ENOX2: variants seen among roughly 807,000 people sequenced by gnomAD.
ENOX2 encodes APK1 antigen.
Under a neutral mutation model 45.0 loss-of-function variants are expected in ENOX2, and 36 were observed. The observed-to-expected ratio is 0.80, with a 90% CI of 0.61 to 1.06. The LOEUF is 1.06. Ranked by LOEUF, ENOX2 falls within the 50% of genes least tolerant of loss-of-function variation. The pLI, the probability that ENOX2 is intolerant of heterozygous loss-of-function variation, is 0.00. For missense variants in ENOX2, 423 were observed against 462.5 expected (o/e 0.91, Z 0.78); for synonymous variants, 174 against 152.3 (o/e 1.14, Z -1.05).
rs1319452400 is a variant in ENOX2 at position 130,667,736 on chromosome X, G to A, written c.701C>T (p.Ser234Phe). Residue 234 changes from serine (S) to phenylalanine (F), a missense_variant, in exon 8 of 15, where the codon TCC (serine) becomes TTC (phenylalanine). Physicochemically the swap from Ser to Phe is radical, Grantham distance 155. Around this residue, in one of 5 missense-constraint regions of ENOX2, gnomAD observed 261 missense variants for 306.8 expected, o/e 0.85. Coordinates refer to ENST00000394363, the MANE Select transcript of ENOX2 (RefSeq NM_006375.4). ...SIVAEKLKDD[S>F]KFSEAVQTLL... Reference sequence around the variant, plus strand: ...GGTCTGTACAGCTTCTGAGAATTTGGAATCATCTGAAAAAAATATATTTTT... The same window carrying A: ...GGTCTGTACAGCTTCTGAGAATTTGAAATCATCTGAAAAAAATATATTTTT... 1 of 1,182,641 alleles carries A rather than the reference G, an allele frequency of 8.5e-7. No homozygotes were observed. The highest frequency in any genetic ancestry group is 2.3e-5 in the Admixed American group (1 of 44,277).
chrX:130,767,623 T>C (rs2039647564), intron 3 of ENOX2, among the ~76,000 whole-genome samples: 1 of 111,905 alleles, frequency 8.9e-6, no homozygotes, highest in Non-Finnish European at 1.9e-5. Context: ...CGTGTGCATA[T>C]AAATTCCTAT....
chrX:130,636,540 A>G (rs932573939), intron 11 of ENOX2, among the ~76,000 whole-genome samples: 1 of 112,551 alleles, frequency 8.9e-6, no homozygotes, highest in African/African-American at 3.2e-5. Context: ...AGCTGTTGAT[A>G]TCTTTTAAAC....
chrX:130,751,713 G>A (rs745383716), intron 3 of ENOX2, among the ~76,000 whole-genome samples: 4 of 112,090 alleles, frequency 3.6e-5, no homozygotes, highest in Non-Finnish European at 3.8e-5. Flanking sequence ...CCACATTCTT[G>A]AAAACAGTTG....
intron 2 of ENOX2, among the ~76,000 whole-genome samples, chrX:130,843,214 G>A (rs1160248605): frequency 9.0e-6 from 1 of 111,288 alleles, no homozygotes; most frequent in Admixed American, 9.5e-5. Context: ...CCACCTAGCT[G>A]CCCAAGCCAG....
chrX:130,854,529 CCT>C (rs2078272564), intron 2 of ENOX2, among the ~76,000 whole-genome samples: 1 of 111,308 alleles, frequency 9.0e-6, no homozygotes, highest in Non-Finnish European at 1.9e-5. Context: ...AAGACATAAA[CCT>C]ACAGAATCCA....
Position 130,880,253 on chromosome X carries a change from C to G in ENOX2, c.-183+21431G>C, listed in dbSNP as rs1423561042. 2.7e-5 allele frequency among the ~76,000 whole-genome samples: 3 copies of G among 111,797 alleles called. No homozygotes were observed. The East Asian group carries it at 8.5e-4, about 32-fold the overall frequency. On this transcript the variant is annotated intron_variant, in intron 2 of 14. Coordinates refer to ENST00000394363, the MANE Select transcript of ENOX2 (RefSeq NM_006375.4). The stretch of plus-strand genomic sequence containing the variant: ...TGAAAAGTATACAAAGAACTGGGAT[C>G]TAGGCAACAGAGGGCAGGTCCAGCA...
rs1427607057 is a variant in ENOX2, at chrX:130,637,221, G to A, written c.1311+8C>T. On this transcript the variant is annotated splice_region_variant and intron_variant, in intron 11 of 14. Coordinates refer to ENST00000394363, the MANE Select transcript of ENOX2 (RefSeq NM_006375.4). Reference sequence around the variant, plus strand: ...ACCCAGAAGCTCAGAAAACCAAAATGCCTTTACCTGTTGCATTCCTTGCAG... The same window carrying A: ...ACCCAGAAGCTCAGAAAACCAAAATACCTTTACCTGTTGCATTCCTTGCAG... 1.2e-5 allele frequency: 15 copies of A among 1,209,128 alleles called. No individual in the cohort carries two copies. Among genetic ancestry groups the A allele is most frequent in the Admixed American group, 2.2e-5 (1 of 46,040 alleles).
rs141436327 is a variant in ENOX2 at position 130,741,849 on chromosome X, G to A, written c.-38-38595C>T. ...CTTTGAATGTGAGGGACTGAAGAGA[G>A]TCAACCTAGCTCTGTTTCCGATAAA... On this transcript the variant is annotated intron_variant, in intron 3 of 14. Transcript: ENST00000394363. Among the ~76,000 whole-genome samples, 432 of 111,907 alleles carry A rather than the reference G, an allele frequency of 3.9e-3. 1 individual carries two copies. The highest frequency in any genetic ancestry group is 0.014 in the African/African-American group (417 of 30,784).
chrX:130,821,725 AAAAT>A (rs1234033393), intron 2 of ENOX2, among the ~76,000 whole-genome samples: 1 of 92,594 alleles, frequency 1.1e-5, no homozygotes, highest in Non-Finnish European at 2.1e-5. Context: ...TAAATAAATA[AAAAT>A]AAATAAATAA....
chrX:130,750,696 T>C (rs2039198322), intron 3 of ENOX2, among the ~76,000 whole-genome samples: 1 of 111,358 alleles, frequency 9.0e-6, no homozygotes, highest in Non-Finnish European at 1.9e-5. Context: ...CAAGTCTGTC[T>C]TTCTGTCTCA....
intron 3 of ENOX2, among the ~76,000 whole-genome samples, chrX:130,761,264 T>C (rs974922018): frequency 6.3e-5 from 7 of 111,725 alleles, no homozygotes; most frequent in Non-Finnish European, 1.3e-4. Flanking sequence ...TCTTTATAAG[T>C]TTGGTAGTAT....
chrX:130,676,757 A>G (rs184965424), intron 6 of ENOX2, among the ~76,000 whole-genome samples: 1 of 111,473 alleles, frequency 9.0e-6, no homozygotes, highest in East Asian at 2.8e-4. Context: ...TTACCAGCCT[A>G]CTTTTTCAAA....
intron 2 of ENOX2, among the ~76,000 whole-genome samples, chrX:130,885,526 AAT>A (rs968627067): frequency 8.9e-6 from 1 of 112,508 alleles, no homozygotes; most frequent in Non-Finnish European, 1.9e-5. Context: ...TGTAATTTTT[AAT>A]AGAGTAAAAC....
intron 2 of ENOX2, among the ~76,000 whole-genome samples, chrX:130,819,163 A>G (rs1196445634): frequency 8.9e-6 from 1 of 112,428 alleles, no homozygotes; most frequent in Non-Finnish European, 1.9e-5. Context: ...TGCAAATCAA[A>G]ACCACAATGA....
chrX:130,826,579 T>G (rs893047149), intron 2 of ENOX2, among the ~76,000 whole-genome samples: 5 of 111,587 alleles, frequency 4.5e-5, no homozygotes, highest in Non-Finnish European at 9.4e-5. Flanking sequence ...GACATCAATT[T>G]GTGGGGTAAA....
rs1373426736 is a variant in ENOX2, at chrX:130,624,261, AT to A, written c.*1052del. On this transcript the variant is annotated 3_prime_UTR_variant, in exon 15 of 15. Coordinates refer to ENST00000394363, the MANE Select transcript of ENOX2 (RefSeq NM_006375.4). ...TTCGCACTCCAGGTGGAGCTGACCT[AT>A]TTGTAGAAAGCCTCACAAACCCTAG... 1.8e-5 allele frequency: 2 copies of A among 112,527 alleles called. No homozygotes were observed. Among genetic ancestry groups the A allele is most frequent in the Non-Finnish European group, 3.8e-5 (2 of 53,333 alleles). 9.3% of individuals were successfully genotyped at this position (112,527 alleles called of 1,213,427 possible).
At position 130,878,339 on chromosome X, in the gene ENOX2, A is replaced by G. The variant is rs780662435; in HGVS notation, c.-183+23345T>C. ...ATTCCTTCAAACCATTTCTTCTCAG[A>G]CCATTTCTTTCCCTTCTTGTTAAAT... On this transcript the variant is annotated intron_variant, in intron 2 of 14. Coordinates refer to ENST00000394363, the MANE Select transcript of ENOX2 (RefSeq NM_006375.4). 5.4e-5 allele frequency among the ~76,000 whole-genome samples: 6 copies of G among 111,542 alleles called. No individual in the cohort carries two copies. The South Asian group carries it at 2.3e-3, about 42-fold the overall frequency.
At chrX:130,883,892 CTT>C (rs889195374) in intron 2 of ENOX2, among the ~76,000 whole-genome samples, 1 of 112,321 alleles carries the variant, frequency 8.9e-6, no homozygotes, top group Non-Finnish European at 1.9e-5. Context: ...AGATGAAAGA[CTT>C]TTTCTTTAGC....
chrX:130,775,016 TTG>T (rs2039819527), intron 3 of ENOX2, among the ~76,000 whole-genome samples: 1 of 112,283 alleles, frequency 8.9e-6, no homozygotes, highest in Non-Finnish European at 1.9e-5. Context: ...GAAATTTCCA[TTG>T]TGTTTGTGGA....
Sources: gnomAD v4.1 joint callset for allele counts (sites outside exome capture counted in the v4.1 genomes callset) on GRCh38, gnomAD v4.1.1 for gene constraint, gnomAD v4.1.1 regional missense constraint, MANE v1.5 for transcripts, NCBI Gene and HGNC (gene_info 2026-07-23, HGNC 2026-07-21) for gene names.